CCDC169: variants seen among roughly 807,000 people sequenced by gnomAD.
The protein encoded by CCDC169 is coiled-coil domain-containing protein 169.
A neutral mutation model predicts 36.0 loss-of-function variants in CCDC169; 30 were observed. That is an observed-to-expected ratio of 0.83 (90% CI 0.62 to 1.13). The LOEUF is 1.13. CCDC169 is among the 50% of genes most tolerant of loss of function. The pLI, the probability that CCDC169 is intolerant of heterozygous loss-of-function variation, is 0.00. For missense variants in CCDC169, 245 were observed against 245.9 expected (o/e 1.00, Z 0.03); for synonymous variants, 85 against 81.5 (o/e 1.04, Z -0.23).
intron 4 of CCDC169, among the ~76,000 whole-genome samples, chr13:36,256,715 G>A (rs1000034709): frequency 9.2e-5 from 14 of 152,166 alleles, no homozygotes; most frequent in African/African-American, 1.4e-4. Flanking sequence ...GGCCCCCACC[G>A]GCCTGGGGTG....
intron 2 of CCDC169, among the ~76,000 whole-genome samples, chr13:36,285,602 G>GATAC (rs1440502585): frequency 6.8e-6 from 1 of 146,808 alleles, no homozygotes; most frequent in African/African-American, 2.5e-5. Flanking sequence ...TAGATAGATA[G>GATAC]ATAGATAGAT....
chr13:36,288,170 G>A (rs1878473172), intron 2 of CCDC169, among the ~76,000 whole-genome samples: 1 of 151,832 alleles, frequency 6.6e-6, no homozygotes, highest in African/African-American at 2.4e-5. Context: ...CACCATGCCT[G>A]GCTAATTTTT....
downstream of CCDC169, among the ~76,000 whole-genome samples, chr13:36,229,144 T>G (rs1870152019): frequency 6.6e-6 from 1 of 152,178 alleles, no homozygotes; most frequent in Admixed American, 6.5e-5. Flanking sequence ...ATGTGGTAAG[T>G]ACCCTTGATC....
chr13:36,282,472 T>G (rs903124659), intron 4 of CCDC169: 1 of 985,230 alleles, frequency 1.0e-6, no homozygotes, highest in African/African-American at 1.7e-5. Flanking sequence ...TAATCTCTGC[T>G]GCTCAGACAC....
intron 1 of CCDC169, among the ~76,000 whole-genome samples, chr13:36,297,415 C>T (rs1879654495): frequency 6.6e-6 from 1 of 152,214 alleles, no homozygotes; most frequent in African/African-American, 2.4e-5. Flanking sequence ...AAGGGCAGCA[C>T]ATCCTACCCG....
downstream of CCDC169, chr13:36,227,508 A>G (rs1311441894): frequency 2.4e-5 from 26 of 1,097,334 alleles, no homozygotes; most frequent in Non-Finnish European, 2.9e-5. Flanking sequence ...AAAAATAAAT[A>G]AATAAATAAA....
intron 7 of CCDC169, among the ~76,000 whole-genome samples, chr13:36,244,181 C>T (rs140012964): frequency 0.01 from 1,590 of 152,178 alleles, 17 homozygotes; most frequent in Non-Finnish European, 0.019. Flanking sequence ...AGCCCACTTG[C>T]GAGGTTGGCC....
chr13:36,290,428 C>T (rs1566092032), intron 2 of CCDC169, among the ~76,000 whole-genome samples: 1 of 152,118 alleles, frequency 6.6e-6, no homozygotes, highest in African/African-American at 2.4e-5. Context: ...CTAGGCAGGG[C>T]TTATTACCTT....
chr13:36,289,469 A>G (rs543327912), intron 2 of CCDC169, among the ~76,000 whole-genome samples: 2 of 152,340 alleles, frequency 1.3e-5, no homozygotes, highest in Admixed American at 1.3e-4. Context: ...TGCAGTTACT[A>G]AGAACTATGT....
Position 36,249,462 on chromosome 13 carries a change from T to C in CCDC169, c.469-780A>G, listed in dbSNP as rs77188988. ...CCAAATTTGAAGAGGAGTTGCTGTA[T>C]TTGGCTATTAAGAGATAAACTAGGC... On this transcript the variant is annotated intron_variant, in intron 6 of 7. Transcript: ENST00000239859. Among the ~76,000 whole-genome samples the C allele has an allele frequency of 0.012, 1,793 of 152,220 alleles. 88 individuals carry two copies. The East Asian group carries it at 0.16, about 14-fold the overall frequency.
rs543285169 is a variant in CCDC169 at position 36,232,029 on chromosome 13, G to A, written c.546-737C>T. Among the ~76,000 whole-genome samples, 17 of 152,248 alleles carry A rather than the reference G, an allele frequency of 1.1e-4. No individual in the cohort carries two copies. The South Asian group carries it at 3.1e-3, about 28-fold the overall frequency. On this transcript the variant is annotated intron_variant, in intron 7 of 7. Transcript: ENST00000239859. ...CTTTATCAAAACCCTGGAAATTAAC[G>A]AAAGTGTTGCAACAATCCTGGAGAA...
chr13:36,248,342 G>C (rs889583513), intron 7 of CCDC169, among the ~76,000 whole-genome samples: 2 of 151,704 alleles, frequency 1.3e-5, no homozygotes, highest in African/African-American at 2.4e-5. Flanking sequence ...AGTTCTCCTA[G>C]GTACATATTA....
chr13:36,240,643 T>C (rs1291223994), intron 7 of CCDC169: 1 of 1,284,388 alleles, frequency 7.8e-7, no homozygotes, highest in Non-Finnish European at 1.0e-6. Flanking sequence ...TTTTCTTCCT[T>C]TAGGGCTTTT....
In CCDC169 at chr13:36,248,255, T is replaced by C. The variant is rs1872729678; in HGVS notation, c.545+351A>G. Among the ~76,000 whole-genome samples the C allele has an allele frequency of 2.0e-5, 3 of 152,180 alleles. No individual in the cohort carries two copies. In the South Asian group the frequency reaches 6.2e-4, roughly 31 times the overall value. On this transcript the variant is annotated intron_variant, in intron 7 of 7. Coordinates refer to ENST00000239859, the MANE Select transcript of CCDC169 (RefSeq NM_001144981.3). The stretch of plus-strand genomic sequence containing the variant: ...CACTTCATCGTGATACTTGCTTCAT[T>C]ACAGTGATCCGGAACCAAACCCATA...
intron 2 of CCDC169, among the ~76,000 whole-genome samples, chr13:36,285,027 A>G (rs1227866198): frequency 1.3e-5 from 2 of 152,222 alleles, no homozygotes; most frequent in African/African-American, 4.8e-5. Flanking sequence ...AGTAGAGCTC[A>G]ACTGTATGGA....
At chr13:36,268,941 C>T (rs1414314266) in intron 4 of CCDC169, among the ~76,000 whole-genome samples, 1 of 151,996 alleles carries the variant, frequency 6.6e-6, no homozygotes, top group Non-Finnish European at 1.5e-5. Flanking sequence ...CCCATCTCTA[C>T]TAAAAATACA....
At chr13:36,292,128 C>T (rs1878977696) in intron 2 of CCDC169, among the ~76,000 whole-genome samples, 1 of 151,900 alleles carries the variant, frequency 6.6e-6, no homozygotes, top group South Asian at 2.1e-4. Flanking sequence ...GCTGGGATTA[C>T]AGGCACCCAC....
intron 7 of CCDC169, among the ~76,000 whole-genome samples, chr13:36,247,619 A>G (rs1394350036): frequency 6.6e-6 from 1 of 152,188 alleles, no homozygotes; most frequent in Non-Finnish European, 1.5e-5. Context: ...GAGAACTAGA[A>G]TTAGAAGTAG....
intron 2 of CCDC169, among the ~76,000 whole-genome samples, chr13:36,293,500 C>G (rs1879144855): frequency 2.0e-5 from 3 of 152,166 alleles, no homozygotes; most frequent in Admixed American, 2.0e-4. Flanking sequence ...TCTGTGACTA[C>G]TATGACCAAC....
Sources: gnomAD v4.1 joint callset for allele counts (sites outside exome capture counted in the v4.1 genomes callset) on GRCh38, gnomAD v4.1.1 for gene constraint, MANE v1.5 for transcripts, NCBI Gene and HGNC (gene_info 2026-07-23, HGNC 2026-07-21) for gene names.